Variants in DLGAP2 observed in about 807,000 individuals in gnomAD.
The protein encoded by DLGAP2 is disks large-associated protein 2.
Under a neutral mutation model 100.3 loss-of-function variants are expected in DLGAP2, and 26 were observed. The ratio of observed to expected loss-of-function variants is 0.26; its 90% CI spans 0.19 to 0.36. DLGAP2 has a LOEUF of 0.36. Ranked by LOEUF, DLGAP2 falls within the 10% of genes least tolerant of loss-of-function variation. The pLI is 1.00. For synonymous variants in DLGAP2, 886 were observed against 630.1 expected (o/e 1.41, Z -6.08); for missense variants, 1,858 against 1,453.2 (o/e 1.28, Z -4.53).
chr8:1,414,067 G>A (rs1477753023), intron 3 of DLGAP2, among the ~76,000 whole-genome samples: 1 of 152,190 alleles, frequency 6.6e-6, no homozygotes, highest in Non-Finnish European at 1.5e-5. Context: ...TTTTTCCTCT[G>A]CTGTTAGTGT....
chr8:1,599,072 G>T (rs1450464189), intron 6 of DLGAP2, among the ~76,000 whole-genome samples: 1 of 152,110 alleles, frequency 6.6e-6, no homozygotes, highest in Non-Finnish European at 1.5e-5. Context: ...TTGTGTCTTT[G>T]TTATTGTTGG....
At chr8:1,533,274 A>G (rs928133845) in intron 4 of DLGAP2, among the ~76,000 whole-genome samples, 2 of 152,044 alleles carry the variant, frequency 1.3e-5, no homozygotes, top group South Asian at 2.1e-4. Flanking sequence ...CGAGGTGGGC[A>G]GATCATGAGG....
chr8:811,740 A>C (rs965214621), intron 1 of DLGAP2, among the ~76,000 whole-genome samples: 1 of 151,362 alleles, frequency 6.6e-6, no homozygotes, highest in Non-Finnish European at 1.5e-5. Context: ...AGCAGGAACT[A>C]TCTGGGGGCC....
At chr8:913,549 T>A (rs1340281482) in intron 2 of DLGAP2, among the ~76,000 whole-genome samples, 1 of 152,214 alleles carries the variant, frequency 6.6e-6, no homozygotes, top group Non-Finnish European at 1.5e-5. Flanking sequence ...GACAATGACA[T>A]TGTTACTTTG....
intron 3 of DLGAP2, among the ~76,000 whole-genome samples, chr8:1,358,931 G>C (rs773170079): frequency 6.6e-6 from 1 of 152,174 alleles, no homozygotes; most frequent in Non-Finnish European, 1.5e-5. Context: ...CAAAGGGAGA[G>C]AGTCTAGCTG....
Position 1,177,634 on chromosome 8 carries a change from G to A in DLGAP2, c.74-81217G>A, listed in dbSNP as rs1018823569. Reference sequence around the variant, plus strand: ...AAGCCTGTCTTAGTCCATTTGGGCAGCTGTCACAAATACCCCACACTAGGT... The same window carrying A: ...AAGCCTGTCTTAGTCCATTTGGGCAACTGTCACAAATACCCCACACTAGGT... On this transcript the variant is annotated intron_variant, in intron 2 of 14. Transcript: ENST00000637795. 1.2e-4 allele frequency among the ~76,000 whole-genome samples: 18 copies of A among 152,206 alleles called. 1 individual carries two copies. Among genetic ancestry groups the A allele is most frequent in the African/African-American group, 3.4e-4 (14 of 41,442 alleles).
chr8:1,340,937 A>G (rs1801403255), intron 3 of DLGAP2, among the ~76,000 whole-genome samples: 1 of 152,238 alleles, frequency 6.6e-6, no homozygotes, highest in African/African-American at 2.4e-5. Flanking sequence ...TTGCAGGGAT[A>G]TGGATGGAGC....
At chr8:1,501,625 A>G (rs1799726705) in intron 4 of DLGAP2, among the ~76,000 whole-genome samples, 194 bp downstream of exon 4, 1 of 152,220 alleles carries the variant, frequency 6.6e-6, no homozygotes, top group Admixed American at 6.5e-5. Context: ...GTGCTAGGTG[A>G]GGAAGGGCTG....
At chr8:1,582,350 C>T (rs1252054088) in intron 6 of DLGAP2, among the ~76,000 whole-genome samples, 1 of 150,936 alleles carries the variant, frequency 6.6e-6, no homozygotes, top group African/African-American at 2.4e-5. Flanking sequence ...AATTATAGAC[C>T]ATTATGTACA....
intron 7 of DLGAP2, among the ~76,000 whole-genome samples, chr8:1,631,635 A>G (rs1336220995): frequency 6.6e-6 from 1 of 152,162 alleles, no homozygotes; most frequent in East Asian, 1.9e-4. Flanking sequence ...CCCCGCCGGC[A>G]TTGTGCCAAC....
chr8:1,697,506 C>T (rs1230234059), intron 14 of DLGAP2, among the ~76,000 whole-genome samples: 1 of 152,150 alleles, frequency 6.6e-6, no homozygotes, highest in Admixed American at 6.5e-5. Context: ...AGAATTGAAG[C>T]CTTGGGCATG....
intron 2 of DLGAP2, among the ~76,000 whole-genome samples, chr8:1,220,034 G>C (rs4534146): frequency 7.3e-5 from 11 of 151,690 alleles, no homozygotes; most frequent in Non-Finnish European, 2.9e-5. Flanking sequence ...TGGTCTATCA[G>C]TATTATTTCT....
At chr8:1,026,387 G>A (rs977679629) in intron 2 of DLGAP2, among the ~76,000 whole-genome samples, 3 of 152,174 alleles carry the variant, frequency 2.0e-5, no homozygotes, top group African/African-American at 7.2e-5. Context: ...GTGTTGTACT[G>A]TCTGGCTTTG....
intron 2 of DLGAP2, among the ~76,000 whole-genome samples, chr8:1,191,466 A>G (rs11987817): frequency 0.21 from 31,741 of 152,146 alleles, 3,556 homozygotes; most frequent in Middle Eastern, 0.34. Context: ...CACCGCGCCC[A>G]GCCGATACGT....
At chr8:1,602,753 G>T (rs1389947242) in intron 6 of DLGAP2, among the ~76,000 whole-genome samples, 1 of 152,208 alleles carries the variant, frequency 6.6e-6, no homozygotes, top group Non-Finnish European at 1.5e-5. Flanking sequence ...CCATGTGTCA[G>T]GCACTGCTCC....
intron 3 of DLGAP2, among the ~76,000 whole-genome samples, chr8:1,310,847 G>A (rs920094840): frequency 2.6e-5 from 4 of 152,142 alleles, no homozygotes; most frequent in Admixed American, 6.5e-5. Context: ...TAACATTTTA[G>A]CCACAGTGAC....
chr8:1,646,162 C>G (rs969412314), intron 8 of DLGAP2, among the ~76,000 whole-genome samples: 14 of 152,006 alleles, frequency 9.2e-5, no homozygotes, highest in African/African-American at 2.9e-4. Context: ...ATGCTTTCCC[C>G]AGTGTGGGTG....
At chr8:1,077,996 C>G (rs868194081) in intron 2 of DLGAP2, among the ~76,000 whole-genome samples, 8 of 152,170 alleles carry the variant, frequency 5.3e-5, no homozygotes, top group African/African-American at 7.2e-5. Context: ...GTGGCTGTTG[C>G]CAGCTCTACA....
At chr8:1,178,057 G>C (rs947660889) in intron 2 of DLGAP2, among the ~76,000 whole-genome samples, 5 of 152,212 alleles carry the variant, frequency 3.3e-5, no homozygotes, top group Admixed American at 2.0e-4. Flanking sequence ...GTGCCTCTCA[G>C]CTCATGGGAC....
Sources: allele counts gnomAD v4.1 joint callset (sites outside exome capture counted in the v4.1 genomes callset), GRCh38; gene constraint gnomAD v4.1.1; transcripts MANE v1.5; gene names NCBI Gene and HGNC (gene_info 2026-07-23, HGNC 2026-07-21).